Variants in EDRF1 observed in about 807,000 individuals in gnomAD.
EDRF1 encodes erythroid differentiation-related factor 1.
Under a neutral mutation model 148.7 loss-of-function variants are expected in EDRF1, and 69 were observed. The observed-to-expected ratio is 0.46, with a 90% CI of 0.38 to 0.57. EDRF1 has a LOEUF of 0.57. Ranked by LOEUF, EDRF1 falls within the 20% of genes least tolerant of loss-of-function variation. The probability of loss-of-function intolerance (pLI) is 0.00; values close to 1 mark genes in which losing one functional copy is unlikely to be tolerated. For synonymous variants in EDRF1, 515 were observed against 532.8 expected (o/e 0.97, Z 0.46); for missense variants, 1,118 against 1,478.7 (o/e 0.76, Z 4.00).
At chr10:125,723,749 A>G in intron 3 of EDRF1, 62 bp from the exon 4 acceptor site, 2 of 1,516,848 alleles carry the variant, frequency 1.3e-6, no homozygotes, top group South Asian at 1.1e-5. Flanking sequence ...GCTAAAATTT[A>G]AAAGATTCCA....
intron 1 of EDRF1, among the ~76,000 whole-genome samples, chr10:125,720,860 G>C (rs1382686302): frequency 2.0e-5 from 3 of 151,704 alleles, no homozygotes; most frequent in Admixed American, 6.6e-5. Context: ...CTGAAAATAG[G>C]CTTTACTAAA....
intron 8 of EDRF1, 97 bp from the exon 9 acceptor site, chr10:125,730,191 G>A (rs1848429586): frequency 3.2e-6 from 3 of 939,284 alleles, no homozygotes; most frequent in Non-Finnish European, 5.1e-6. Context: ...ATCTAGAGAG[G>A]ACAGCTTAAG....
chr10:125,752,830 A>G lies in EDRF1; in HGVS notation c.3309A>G (p.Thr1103=), dbSNP rs1379545448. The G allele has an allele frequency of 1.9e-6, 3 of 1,613,864 alleles. No individual in the cohort carries two copies. Among genetic ancestry groups the G allele is most frequent in the African/African-American group, 1.3e-5 (1 of 74,948 alleles). ...SQNSNVGKLK[T]LSGALDIMVR... ...ATAGCAATGTTGGAAAGTTGAAAAC[A>G]CTATCTGGGGCTCTTGATATAATGG... The change falls in exon 23 of 25, where the codon ACA becomes ACG. Residue 1103 remains threonine (T), a synonymous_variant. Transcript: ENST00000356792.
At chr10:125,750,711 T>G (rs984225924) in intron 22 of EDRF1, among the ~76,000 whole-genome samples, 1 of 152,228 alleles carries the variant, frequency 6.6e-6, no homozygotes, top group African/African-American at 2.4e-5. Context: ...CTTGTAAATT[T>G]GGGAATGTAT....
intron 1 of EDRF1, 63 bp downstream of exon 1, chr10:125,719,978 G>A (rs1328050587): frequency 4.1e-6 from 6 of 1,474,184 alleles, no homozygotes; most frequent in Admixed American, 1.8e-5. Flanking sequence ...CTCCACCGGG[G>A]AGGGATGCCA....
At chr10:125,722,296 A>G (rs936683677) in intron 2 of EDRF1, among the ~76,000 whole-genome samples, 1 of 152,218 alleles carries the variant, frequency 6.6e-6, no homozygotes, top group African/African-American at 2.4e-5. Flanking sequence ...TTATATGCTT[A>G]TCTCATTTAA....
intron 15 of EDRF1, 61 bp downstream of exon 15, chr10:125,738,506 A>G: frequency 6.3e-7 from 1 of 1,596,830 alleles, no homozygotes; most frequent in East Asian, 2.2e-5. Flanking sequence ...TTCTTTATCA[A>G]CAGCAGACTT....
rs780964816 is a variant in EDRF1 at position 125,738,439 on chromosome 10, G to C, written c.1975G>C (p.Asp659His). ...AGAGAAGCAGATGGCCTTGTTTTTG[G>C]ACAAAAGTAAGTTGAATTGATGTGC... ...GLEKQMALFLDKMGSLQKGNY... is the reference protein window; with the variant it reads ...GLEKQMALFLHKMGSLQKGNY... Residue 659 changes from aspartate (D) to histidine (H), a missense_variant, in exon 15 of 25, where the codon GAC (aspartate) becomes CAC (histidine). Physicochemically the swap from Asp to His is moderately conservative, Grantham distance 81. Transcript: ENST00000356792. 14 of 1,613,864 alleles carry C rather than the reference G, an allele frequency of 8.7e-6. No individual in the cohort carries two copies. The African/African-American group carries it at 1.9e-4, about 22-fold the overall frequency.
chr10:125,749,431 G>A lies in EDRF1; in HGVS notation c.3143G>A (p.Arg1048Lys). The change falls in exon 22 of 25, where the codon AGG becomes AAG. Residue 1048 changes from arginine (R) to lysine (K), a missense_variant. By Grantham distance (26) the Arg-to-Lys change is conservative (BLOSUM62 2). Around this residue, in one of 3 missense-constraint regions of EDRF1, gnomAD observed 954 missense variants for 1,241.4 expected, o/e 0.77. Coordinates refer to ENST00000356792, the MANE Select transcript of EDRF1 (RefSeq NM_001202438.2). ...TTCTAGGTTGGTGATGAACACCTTAGGAAACAACACCGGGTGCTGGCAGAT... is the reference window on the plus strand; with the variant it reads ...TTCTAGGTTGGTGATGAACACCTTAAGAAACAACACCGGGTGCTGGCAGAT... ...LRNQVGDEHLRKQHRVLADLH... is the reference protein window; with the variant it reads ...LRNQVGDEHLKKQHRVLADLH... 1 of 1,614,174 alleles carries A rather than the reference G, an allele frequency of 6.2e-7. No individual in the cohort carries two copies. The highest frequency in any genetic ancestry group is 8.5e-7 in the Non-Finnish European group (1 of 1,180,038).
At chr10:125,720,561 G>A (rs771880754) in intron 1 of EDRF1, among the ~76,000 whole-genome samples, 3 of 152,184 alleles carry the variant, frequency 2.0e-5, no homozygotes, top group Non-Finnish European at 4.4e-5. Context: ...TGTAATCCTA[G>A]CACTTTGGGA....
chr10:125,744,461 G>A (rs1376024017), intron 18 of EDRF1, among the ~76,000 whole-genome samples: 1 of 152,190 alleles, frequency 6.6e-6, no homozygotes, highest in Non-Finnish European at 1.5e-5. Context: ...TGGGATTACA[G>A]GCATGAGCCA....
At chr10:125,743,029 G>T (rs372814037) in intron 17 of EDRF1, 29 bp from the exon 18 acceptor site, 7 of 1,610,176 alleles carry the variant, frequency 4.3e-6, no homozygotes, top group African/African-American at 1.3e-5. Context: ...CACATGATTC[G>T]CATTGATGTA....
chr10:125,751,588 G>T (rs1307333353), intron 22 of EDRF1, among the ~76,000 whole-genome samples: 7 of 152,164 alleles, frequency 4.6e-5, no homozygotes, highest in Admixed American at 3.3e-4. Context: ...TGTTTAGAAA[G>T]TGTGGGATTA....
chr10:125,723,499 A>G (rs1193146869), intron 3 of EDRF1, among the ~76,000 whole-genome samples: 1 of 152,196 alleles, frequency 6.6e-6, no homozygotes, highest in African/African-American at 2.4e-5. Context: ...AGTGGCTTTG[A>G]TCTGATATGC....
At chr10:125,746,222 G>T (rs1188091710) in intron 19 of EDRF1, among the ~76,000 whole-genome samples, 2 of 152,170 alleles carry the variant, frequency 1.3e-5, no homozygotes, top group Non-Finnish European at 2.9e-5. Context: ...AACTGTAAAA[G>T]TATTAGAAGA....
At chr10:125,722,033 A>G (rs1432115148) in intron 2 of EDRF1, among the ~76,000 whole-genome samples, 1 of 152,242 alleles carries the variant, frequency 6.6e-6, no homozygotes, top group Non-Finnish European at 1.5e-5. Flanking sequence ...AACTTGTAGC[A>G]AGAGGCACAA....
intron 22 of EDRF1, chr10:125,749,849 G>A (rs780855487): frequency 5.7e-5 from 23 of 402,550 alleles, no homozygotes; most frequent in Non-Finnish European, 8.9e-5. Context: ...GACAGTTAAA[G>A]AATTCAATCG....
chr10:125,719,956 G>A (rs1847901157), intron 1 of EDRF1, 41 bp downstream of exon 1: 2 of 1,572,954 alleles, frequency 1.3e-6, no homozygotes, highest in East Asian at 4.5e-5. Context: ...GGATGTGGGA[G>A]CGGAGGACCC....
rs1313431703 is a variant in EDRF1 at position 125,740,722 on chromosome 10, G to T, written c.2170+71G>T. ...GAACAGAGAAGGCATCTGAATCACA[G>T]TGGAAGTTTACTCCTATTTTTCTAG... On this transcript the variant is annotated intron_variant, in intron 16 of 24. Coordinates refer to ENST00000356792, the MANE Select transcript of EDRF1 (RefSeq NM_001202438.2). 2.0e-6 allele frequency: 3 copies of T among 1,500,934 alleles called. No individual in the cohort carries two copies. The African/African-American group carries it at 4.1e-5, about 21-fold the overall frequency. 93.0% of individuals were successfully genotyped at this position (1,500,934 alleles called of 1,614,324 possible).
Sources: gnomAD v4.1 joint callset for allele counts (sites outside exome capture counted in the v4.1 genomes callset) on GRCh38, gnomAD v4.1.1 for gene constraint, gnomAD v4.1.1 regional missense constraint, MANE v1.5 for transcripts, NCBI Gene and HGNC (gene_info 2026-07-23, HGNC 2026-07-21) for gene names.